Variants in SLC4A4 observed in about 807,000 individuals in gnomAD.
The protein encoded by SLC4A4 is electrogenic sodium bicarbonate cotransporter 1.
A neutral mutation model predicts 111.5 loss-of-function variants in SLC4A4; 27 were observed. That is an observed-to-expected ratio of 0.24 (90% CI 0.18 to 0.33). SLC4A4 has a LOEUF of 0.33. SLC4A4 is among the 10% of genes least tolerant of loss of function. The probability of loss-of-function intolerance (pLI) is 1.00; values close to 1 mark genes in which losing one functional copy is unlikely to be tolerated. For missense variants in SLC4A4, 909 were observed against 1,315.5 expected (o/e 0.69, Z 4.78); for synonymous variants, 443 against 463.4 (o/e 0.96, Z 0.57).
chr4:71,234,827 G>A (rs149450191), intron 1 of SLC4A4, among the ~76,000 whole-genome samples: 176 of 152,240 alleles, frequency 1.2e-3, no homozygotes, highest in African/African-American at 4.1e-3. Flanking sequence ...TTTGAGTATA[G>A]AGAAGGAAAA....
Position 71,187,367 on chromosome 4 carries a change from A to T in SLC4A4, c.-36A>T, listed in dbSNP as rs953758952. On this transcript the variant is annotated 5_prime_UTR_variant, in exon 1 of 26. Transcript: ENST00000264485. ...CGCTGCAGCCCCACACTCCGCCGCCAAACTGGAGGAGCGACGGAAGCCAGA... is the reference window on the plus strand; with the variant it reads ...CGCTGCAGCCCCACACTCCGCCGCCTAACTGGAGGAGCGACGGAAGCCAGA... 3.3e-5 allele frequency: 5 copies of T among 151,636 alleles called. No individual in the cohort carries two copies. Among genetic ancestry groups the T allele is most frequent in the African/African-American group, 1.2e-4 (5 of 41,280 alleles). The allele number at this position is 151,636 out of a possible 1,614,324, so 9.4% of individuals were successfully genotyped here.
At chr4:71,484,724 G>A (rs1301749427) in intron 14 of SLC4A4, among the ~76,000 whole-genome samples, 1 of 151,638 alleles carries the variant, frequency 6.6e-6, no homozygotes, top group Non-Finnish European at 1.5e-5. Context: ...AGGAATAACA[G>A]TGAATATATG....
intron 1 of SLC4A4, among the ~76,000 whole-genome samples, chr4:71,210,778 G>A (rs545515754): frequency 2.0e-5 from 3 of 152,324 alleles, no homozygotes; most frequent in South Asian, 2.1e-4. Context: ...TACCTCAGTA[G>A]TCTGTAATCT....
At position 71,453,580 on chromosome 4, in the gene SLC4A4, C is replaced by G; in HGVS notation, c.1408C>G (p.Leu470Val). The G allele has an allele frequency of 1.2e-6, 2 of 1,613,972 alleles. No homozygotes were observed. The highest frequency in any genetic ancestry group is 8.5e-7 in the Non-Finnish European group (1 of 1,179,894). Reference sequence around the variant, plus strand: ...TTATGATGCTTTAAATATTCAAGCTCTTTCGGCAATTCTCTTCATTTATCT... The same window carrying G: ...TTATGATGCTTTAAATATTCAAGCTGTTTCGGCAATTCTCTTCATTTATCT... ...DFYDALNIQA[L>V]SAILFIYLAT... Residue 470 changes from leucine to valine, a missense_variant, in exon 12 of 26, where the codon CTT (leucine) becomes GTT (valine). Physicochemically the swap from Leu to Val is conservative, Grantham distance 32. Transcript: ENST00000264485.
At chr4:71,267,437 T>G (rs920865469) in intron 3 of SLC4A4, among the ~76,000 whole-genome samples, 1 of 152,138 alleles carries the variant, frequency 6.6e-6, no homozygotes. Flanking sequence ...GAAAGCATGA[T>G]GAGTACAAGA....
At chr4:71,542,275 T>A (rs998753496) in intron 18 of SLC4A4, among the ~76,000 whole-genome samples, 1 of 152,124 alleles carries the variant, frequency 6.6e-6, no homozygotes, top group South Asian at 2.1e-4. Context: ...CCCAGTGTTG[T>A]TCCTTTAGTT....
intron 7 of SLC4A4, among the ~76,000 whole-genome samples, chr4:71,434,800 T>C (rs1042430352): frequency 3.9e-5 from 6 of 152,082 alleles, no homozygotes; most frequent in African/African-American, 2.4e-5. Context: ...AGCCAAATCA[T>C]GAGTGAAATT....
At chr4:71,515,253 G>A (rs889814954) in intron 16 of SLC4A4, among the ~76,000 whole-genome samples, 4 of 151,922 alleles carry the variant, frequency 2.6e-5, no homozygotes, top group Admixed American at 6.5e-5. Flanking sequence ...TCAGAAGCAC[G>A]TTTAATTTCT....
chr4:71,528,558 C>T (rs778258478), intron 16 of SLC4A4, among the ~76,000 whole-genome samples: 79 of 151,954 alleles, frequency 5.2e-4, no homozygotes, highest in Non-Finnish European at 5.0e-4. Context: ...GCATCATATA[C>T]CAAAACACTT....
intron 1 of SLC4A4, among the ~76,000 whole-genome samples, chr4:71,091,877 G>A (rs933917309): frequency 2.0e-5 from 3 of 152,044 alleles, no homozygotes; most frequent in African/African-American, 4.8e-5. Flanking sequence ...TAAAAACTGC[G>A]TTTGTTCTTT....
intron 2 of SLC4A4, among the ~76,000 whole-genome samples, chr4:71,156,465 G>C (rs1744466627): frequency 6.6e-6 from 1 of 152,024 alleles, no homozygotes; most frequent in African/African-American, 2.4e-5. Flanking sequence ...AAAAATCATA[G>C]AACTCTAACT....
At chr4:71,260,754 C>T (rs1378878865) in intron 3 of SLC4A4, among the ~76,000 whole-genome samples, 1 of 152,150 alleles carries the variant, frequency 6.6e-6, no homozygotes, top group Non-Finnish European at 1.5e-5. Flanking sequence ...CAGTTCATAC[C>T]AGCAGTGTAA....
intron 1 of SLC4A4, among the ~76,000 whole-genome samples, chr4:71,209,244 G>A (rs1028147422): frequency 5.9e-5 from 9 of 152,132 alleles, no homozygotes; most frequent in African/African-American, 2.2e-4. Context: ...CTTTTGAAAT[G>A]AACAGTGGCA....
At chr4:71,165,553 G>C (rs1446495150) in intron 2 of SLC4A4, among the ~76,000 whole-genome samples, 1 of 152,026 alleles carries the variant, frequency 6.6e-6, no homozygotes, top group African/African-American at 2.4e-5. Flanking sequence ...GGGCCTGTCA[G>C]GGGGTGGGGG....
intron 7 of SLC4A4, among the ~76,000 whole-genome samples, chr4:71,403,015 T>C (rs1720511258): frequency 6.6e-6 from 1 of 152,260 alleles, no homozygotes; most frequent in Non-Finnish European, 1.5e-5. Context: ...AGAAGGTATG[T>C]ATTTTAAAAT....
At chr4:71,096,767 A>T (rs1742568577) in intron 2 of SLC4A4, among the ~76,000 whole-genome samples, 1 of 152,188 alleles carries the variant, frequency 6.6e-6, no homozygotes, top group Non-Finnish European at 1.5e-5. Context: ...AGTGTGGCTG[A>T]GAAGTCAGTC....
At chr4:71,399,476 C>A (rs1720155901) in intron 7 of SLC4A4, among the ~76,000 whole-genome samples, 2 of 132,644 alleles carry the variant, frequency 1.5e-5, no homozygotes, top group Non-Finnish European at 3.2e-5. Flanking sequence ...CCCCTCCCCT[C>A]CCCTCCCCCT....
chr4:71,191,069 G>A (rs764036491), intron 1 of SLC4A4, among the ~76,000 whole-genome samples: 2 of 152,186 alleles, frequency 1.3e-5, no homozygotes, highest in Non-Finnish European at 2.9e-5. Context: ...TGTAAAATAG[G>A]TTAGGCTTTG....
intron 2 of SLC4A4, among the ~76,000 whole-genome samples, chr4:71,156,900 A>G (rs906632307): frequency 2.6e-5 from 4 of 152,022 alleles, no homozygotes; most frequent in Non-Finnish European, 5.9e-5. Flanking sequence ...CATGCTTAGG[A>G]GTTTTATTTT....
Sources: allele counts gnomAD v4.1 joint callset (sites outside exome capture counted in the v4.1 genomes callset), GRCh38; gene constraint gnomAD v4.1.1; transcripts MANE v1.5; gene names NCBI Gene and HGNC (gene_info 2026-07-23, HGNC 2026-07-21).